Variants in BAZ2B observed in about 807,000 individuals in gnomAD.
BAZ2B encodes the protein bromodomain adjacent to zinc finger domain protein 2B.
Under a neutral mutation model 246.0 loss-of-function variants are expected in BAZ2B, and 91 were observed. That is an observed-to-expected ratio of 0.37 (90% CI 0.31 to 0.44). The LOEUF (loss-of-function observed/expected upper bound fraction) is 0.44. Among genes scored for constraint, BAZ2B ranks in the 20% least tolerant of loss-of-function variants. The probability of loss-of-function intolerance (pLI) is 1.00; values close to 1 mark genes in which losing one functional copy is unlikely to be tolerated. For missense variants in BAZ2B, 2,332 were observed against 2,533.7 expected, an observed-to-expected ratio of 0.92 and a Z score of 1.71; for synonymous variants, 855 against 860.0, an observed-to-expected ratio of 0.99 and a Z score of 0.10.
chr2:159,436,980 G>A (rs1369619756), intron 8 of BAZ2B, among the ~76,000 whole-genome samples: 1 of 152,118 alleles, frequency 6.6e-6, no homozygotes, highest in Non-Finnish European at 1.5e-5. Context: ...CAAAGAGAAG[G>A]TAGTACCTTT....
chr2:159,685,775 C>T, the BAZ2B span, among the ~76,000 whole-genome samples: 4 of 152,112 alleles, frequency 2.6e-5, no homozygotes, highest in Non-Finnish European at 5.9e-5. Flanking sequence ...TAAGTCCATA[C>T]TGTTATTAAT....
chr2:159,616,062 C>G (rs1696028715), intron 1 of BAZ2B, 180 bp downstream of exon 1: 1 of 152,238 alleles, frequency 6.6e-6, no homozygotes, highest in Non-Finnish European at 1.5e-5. Flanking sequence ...CCGCACCGAC[C>G]GGCGAGGATA....
intron 2 of BAZ2B, among the ~76,000 whole-genome samples, chr2:159,479,657 A>G (rs1318252168): frequency 2.0e-5 from 3 of 152,188 alleles, no homozygotes; most frequent in Non-Finnish European, 4.4e-5. Flanking sequence ...ATCTTTACTA[A>G]GAAAAATAGT....
chr2:159,542,284 GA>G (rs2151389449), intron 2 of BAZ2B, among the ~76,000 whole-genome samples: 1 of 152,234 alleles, frequency 6.6e-6, no homozygotes, highest in African/African-American at 2.4e-5. Context: ...ATAGTGGATG[GA>G]AACTTCCCAA....
At chr2:159,693,482 G>T in the BAZ2B span, 1 of 137,732 alleles carries the variant, frequency 7.3e-6, no homozygotes, top group African/African-American at 2.7e-5. Flanking sequence ...TAAGCGCAAT[G>T]GTGAGATCAT....
At chr2:159,430,563 A>G (rs2070899662) in intron 10 of BAZ2B, among the ~76,000 whole-genome samples, 1 of 152,184 alleles carries the variant, frequency 6.6e-6, no homozygotes, top group South Asian at 2.1e-4. Context: ...ACTGTACAAA[A>G]AAGTCCAACT....
At chr2:159,535,416 G>C (rs1164648201) in intron 2 of BAZ2B, among the ~76,000 whole-genome samples, 3 of 151,930 alleles carry the variant, frequency 2.0e-5, no homozygotes. Flanking sequence ...CAGCTACTGG[G>C]GAGTCTGAGG....
intron 3 of BAZ2B, among the ~76,000 whole-genome samples, chr2:159,476,089 C>G (rs1015281330): frequency 6.6e-6 from 1 of 152,146 alleles, no homozygotes; most frequent in African/African-American, 2.4e-5. Flanking sequence ...ATCTGCCACT[C>G]TCTTCAGAGC....
At chr2:159,385,005 C>T in intron 23 of BAZ2B, 150 bp downstream of exon 23, 1 of 753,868 alleles carries the variant, frequency 1.3e-6, no homozygotes, top group Non-Finnish European at 2.1e-6. Context: ...TTATTAGTGG[C>T]CATCTCTAAA....
rs1018441081 is a variant in BAZ2B, at chr2:159,477,683, G to A, written c.145+892C>T. ...AGTTAAAATTAAAATGTTTCCTACC[G>A]ATAAATAAATGAGTTAATTAACTTT... On this transcript the variant is annotated intron_variant, in intron 3 of 36. Transcript: ENST00000392783. Among the ~76,000 whole-genome samples, 8 of 152,128 alleles carry A rather than the reference G, an allele frequency of 5.3e-5. No individual in the cohort carries two copies. The East Asian group carries it at 5.8e-4, about 11-fold the overall frequency.
chr2:159,619,432 T>C (rs886818909), upstream of BAZ2B, among the ~76,000 whole-genome samples: 2 of 151,770 alleles, frequency 1.3e-5, no homozygotes, highest in Non-Finnish European at 2.9e-5. Flanking sequence ...ATATGTGACA[T>C]TCCCAATGGT....
chr2:159,559,680 G>GA (rs1028569572), intron 1 of BAZ2B, among the ~76,000 whole-genome samples: 1 of 152,018 alleles, frequency 6.6e-6, no homozygotes, highest in Non-Finnish European at 1.5e-5. Flanking sequence ...ATTGCATGAG[G>GA]AAAAAAATAT....
rs1422999867 is a variant in BAZ2B at position 159,350,135 on chromosome 2, G to A, written c.4436C>T (p.Pro1479Leu). 1.2e-6 allele frequency: 2 copies of A among 1,614,072 alleles called. No individual in the cohort carries two copies. Among genetic ancestry groups the A allele is most frequent in the South Asian group, 2.2e-5 (2 of 91,080 alleles). ...GGGGGTCATAACCTCTGACTCAGGAGGCATCTTAGCTACTTCCAAAAGCTT... is the reference window on the plus strand; with the variant it reads ...GGGGGTCATAACCTCTGACTCAGGAAGCATCTTAGCTACTTCCAAAAGCTT... Reference protein sequence around the residue: ...LSKLLEVAKMPPESEVMTPKP... With the variant: ...LSKLLEVAKMLPESEVMTPKP... Residue 1479 changes from proline (P) to leucine (L), a missense_variant, in exon 28 of 37, where the codon CCT becomes CTT. Physicochemically the swap from Pro to Leu is moderately conservative, Grantham distance 98. Around this residue, in one of 9 missense-constraint regions of BAZ2B, gnomAD observed 676 missense variants for 668.6 expected, o/e 1.01. Coordinates refer to ENST00000392783, the MANE Select transcript of BAZ2B (RefSeq NM_013450.4).
At chr2:159,657,909 G>A in the BAZ2B span, among the ~76,000 whole-genome samples, 136 of 152,226 alleles carry the variant, frequency 8.9e-4, no homozygotes, top group African/African-American at 3.1e-3. Flanking sequence ...TTCCCAATCT[G>A]CAGGCATTTT....
At chr2:159,437,547 A>T (rs1231621758) in intron 8 of BAZ2B, 1 of 152,176 alleles carries the variant, frequency 6.6e-6, no homozygotes, top group Non-Finnish European at 1.5e-5. Flanking sequence ...GTGATTCTTT[A>T]TGAAGGGTTT....
chr2:159,441,916 A>G (rs1450528001), intron 6 of BAZ2B, among the ~76,000 whole-genome samples: 1 of 152,152 alleles, frequency 6.6e-6, no homozygotes, highest in Non-Finnish European at 1.5e-5. Flanking sequence ...CCTTCATTTC[A>G]CTGTATATTT....
chr2:159,603,512 T>C (rs1315425676), intron 1 of BAZ2B, among the ~76,000 whole-genome samples: 1 of 152,106 alleles, frequency 6.6e-6, no homozygotes, highest in Non-Finnish European at 1.5e-5. Context: ...AGTTCGTGAT[T>C]ATCAGTCTAA....
chr2:159,625,638 G>T, the BAZ2B span, among the ~76,000 whole-genome samples: 2 of 152,138 alleles, frequency 1.3e-5, no homozygotes, highest in Non-Finnish European at 2.9e-5. Context: ...GAGAGATTTT[G>T]TCACCACCAG....
the BAZ2B span, among the ~76,000 whole-genome samples, chr2:159,637,256 A>C: frequency 6.6e-6 from 1 of 152,234 alleles, no homozygotes; most frequent in Non-Finnish European, 1.5e-5. Flanking sequence ...CCCTAAGTCC[A>C]GGCCTAGGCT....
Sources: gnomAD v4.1 joint callset for allele counts (sites outside exome capture counted in the v4.1 genomes callset) on GRCh38, gnomAD v4.1.1 for gene constraint, gnomAD v4.1.1 regional missense constraint, MANE v1.5 for transcripts, NCBI Gene and HGNC (gene_info 2026-07-23, HGNC 2026-07-21) for gene names.